Variants in CFAP299 observed in about 807,000 individuals in gnomAD.
The protein encoded by CFAP299 is cilia- and flagella-associated protein 299.
Under a neutral mutation model 27.0 loss-of-function variants are expected in CFAP299, and 21 were observed. The ratio of observed to expected loss-of-function variants is 0.78; its 90% CI spans 0.55 to 1.12. The LOEUF is 1.12. Ranked by LOEUF, CFAP299 falls within the 50% of genes most tolerant of loss-of-function variation. The probability of loss-of-function intolerance (pLI) is 0.00; values close to 1 mark genes in which losing one functional copy is unlikely to be tolerated. For missense variants in CFAP299, 310 were observed against 276.6 expected (o/e 1.12, Z -0.86); for synonymous variants, 104 against 98.1 (o/e 1.06, Z -0.36).
intron 3 of CFAP299, among the ~76,000 whole-genome samples, chr4:80,796,479 A>C (rs1384211147): frequency 6.6e-6 from 1 of 152,188 alleles, no homozygotes; most frequent in East Asian, 1.9e-4. Flanking sequence ...AGGAAGCTGG[A>C]ACGTTGATAT....
intron 3 of CFAP299, among the ~76,000 whole-genome samples, chr4:80,855,665 T>C (rs983257892): frequency 3.9e-5 from 6 of 152,212 alleles, no homozygotes; most frequent in Non-Finnish European, 8.8e-5. Context: ...TGTTTAGTTT[T>C]TTGTTCTTGC....
chr4:80,629,893 A>C lies in CFAP299; in HGVS notation c.333+46710A>C, dbSNP rs965938643. 2.7e-5 allele frequency among the ~76,000 whole-genome samples: 4 copies of C among 150,832 alleles called. No individual in the cohort carries two copies. In the South Asian group the frequency reaches 6.3e-4, roughly 24 times the overall value. ...CTGGAAAAAAAAAAAAACAAAAAAA[A>C]CAAAAAAAACCCAGAAAAATTTATT... On this transcript the variant is annotated intron_variant, in intron 3 of 5. Transcript: ENST00000358105.
At chr4:80,437,613 A>T (rs1728157220) in intron 2 of CFAP299, among the ~76,000 whole-genome samples, 2 of 152,302 alleles carry the variant, frequency 1.3e-5, no homozygotes, top group South Asian at 4.1e-4. Flanking sequence ...TTTGCTCCAG[A>T]GGGGAGACAC....
In CFAP299 at chr4:80,373,192, G is replaced by T. The variant is rs867286875; in HGVS notation, c.242+10308G>T. Among the ~76,000 whole-genome samples the T allele has an allele frequency of 2.6e-5, 4 of 152,048 alleles. No homozygotes were observed. In the South Asian group the frequency reaches 6.2e-4, roughly 24 times the overall value. On this transcript the variant is annotated intron_variant, in intron 2 of 5. Transcript: ENST00000358105. ...AAGGGTTAGGATAAACTAACCCTTG[G>T]CCAGGACTCCATTTCTCATCTGACC...
chr4:80,851,272 A>G (rs1459346702), intron 3 of CFAP299, among the ~76,000 whole-genome samples: 2 of 152,168 alleles, frequency 1.3e-5, no homozygotes, highest in African/African-American at 4.8e-5. Context: ...TTCCTTATTA[A>G]TTTAATCATT....
intron 2 of CFAP299, among the ~76,000 whole-genome samples, chr4:80,559,651 T>TGTGTGCC (rs1734946247): frequency 6.6e-6 from 1 of 152,252 alleles, no homozygotes; most frequent in South Asian, 2.1e-4. Context: ...TGTGTGGAGA[T>TGTGTGCC]CATCTCTGGG....
At chr4:80,748,823 C>T (rs1231333254) in intron 3 of CFAP299, among the ~76,000 whole-genome samples, 1 of 152,136 alleles carries the variant, frequency 6.6e-6, no homozygotes, top group East Asian at 1.9e-4. Flanking sequence ...TTGTTCTGAT[C>T]ATTTGCCCAC....
At chr4:80,810,894 C>T (rs1003259216) in intron 3 of CFAP299, among the ~76,000 whole-genome samples, 1 of 152,112 alleles carries the variant, frequency 6.6e-6, no homozygotes, top group African/African-American at 2.4e-5. Flanking sequence ...ATGCAACATC[C>T]CCTGTTCTGA....
chr4:80,722,918 A>T (rs984616393), intron 3 of CFAP299, among the ~76,000 whole-genome samples: 2 of 152,040 alleles, frequency 1.3e-5, no homozygotes, highest in Non-Finnish European at 2.9e-5. Context: ...ACAAAAAAAA[A>T]TCAATAATAA....
chr4:80,395,784 C>G (rs1725747879), intron 2 of CFAP299, among the ~76,000 whole-genome samples: 1 of 152,106 alleles, frequency 6.6e-6, no homozygotes, highest in African/African-American at 2.4e-5. Flanking sequence ...GCCCATGAAA[C>G]TGCTCATTTT....
intron 5 of CFAP299, among the ~76,000 whole-genome samples, chr4:80,962,751 G>A (rs1462793614): frequency 1.3e-5 from 2 of 151,832 alleles, no homozygotes; most frequent in Admixed American, 6.6e-5. Flanking sequence ...AGAAGAGAGA[G>A]CAAATAATAT....
At chr4:80,881,284 C>T (rs1733692292) in intron 4 of CFAP299, among the ~76,000 whole-genome samples, 1 of 152,156 alleles carries the variant, frequency 6.6e-6, no homozygotes, top group African/African-American at 2.4e-5. Flanking sequence ...GAGGTTCTTC[C>T]TCCAGAAAAG....
At chr4:80,833,581 A>G (rs1036382534) in intron 3 of CFAP299, among the ~76,000 whole-genome samples, 1 of 152,228 alleles carries the variant, frequency 6.6e-6, no homozygotes, top group African/African-American at 2.4e-5. Context: ...ATAAGGAAAT[A>G]CATGACATTA....
intron 3 of CFAP299, among the ~76,000 whole-genome samples, chr4:80,661,405 A>T (rs1447802969): frequency 6.6e-6 from 1 of 152,076 alleles, no homozygotes; most frequent in Non-Finnish European, 1.5e-5. Flanking sequence ...TCAGAAGAAC[A>T]TAAATTGTGA....
intron 3 of CFAP299, among the ~76,000 whole-genome samples, chr4:80,687,712 G>T (rs888508414): frequency 1.3e-5 from 2 of 152,170 alleles, no homozygotes; most frequent in Non-Finnish European, 2.9e-5. Context: ...GAACAGCTCC[G>T]GTCTACAGCT....
chr4:80,462,994 AC>A (rs1316416871), intron 2 of CFAP299, among the ~76,000 whole-genome samples: 2 of 152,190 alleles, frequency 1.3e-5, no homozygotes, highest in Admixed American at 1.3e-4. Context: ...CTAGATGAAT[AC>A]CCAAATGAAA....
chr4:80,729,707 C>T, intron 3 of CFAP299, among the ~76,000 whole-genome samples: 1 of 145,566 alleles, frequency 6.9e-6, no homozygotes, highest in Non-Finnish European at 1.5e-5. Context: ...TCATGCCATT[C>T]TCCTGCCTCA....
Position 80,630,776 on chromosome 4 carries a change from A to C in CFAP299, c.333+47593A>C, listed in dbSNP as rs78705661. 6.8e-3 allele frequency among the ~76,000 whole-genome samples: 1,032 copies of C among 152,184 alleles called. 13 individuals are homozygous for C. Among genetic ancestry groups the C allele is most frequent in the African/African-American group, 0.024 (991 of 41,582 alleles). ...ATAAGTACTTAAATGAAATTATTTC[A>C]TTAATAGCAGATTTTCCATGAAACA... On this transcript the variant is annotated intron_variant, in intron 3 of 5. Coordinates refer to ENST00000358105, the MANE Select transcript of CFAP299 (RefSeq NM_152770.3).
intron 2 of CFAP299, among the ~76,000 whole-genome samples, chr4:80,563,245 C>T (rs1735126789): frequency 6.6e-6 from 1 of 152,088 alleles, no homozygotes. Context: ...GCGGAATACA[C>T]ATTTTTTTCC....
Sources: gnomAD v4.1 joint callset for allele counts (sites outside exome capture counted in the v4.1 genomes callset) on GRCh38, gnomAD v4.1.1 for gene constraint, MANE v1.5 for transcripts, NCBI Gene and HGNC (gene_info 2026-07-23, HGNC 2026-07-21) for gene names.